TBC1D4: variants seen among roughly 807,000 people sequenced by gnomAD.
TBC1D4 encodes the protein TBC (Tre-2, BUB2, CDC16) domain-containing protein.
TBC1D4 carries 121 observed loss-of-function variants against 142.5 expected under a neutral mutation model. The observed-to-expected ratio is 0.85, with a 90% CI of 0.73 to 0.99. The LOEUF is 0.99. Ranked by LOEUF, TBC1D4 falls within the 50% of genes least tolerant of loss-of-function variation. The pLI, the probability that TBC1D4 is intolerant of heterozygous loss-of-function variation, is 0.00. For missense variants in TBC1D4, 1,475 were observed against 1,606.6 expected (o/e 0.92, Z 1.40); for synonymous variants, 630 against 628.2 (o/e 1.00, Z -0.04).
chr13:75,335,357 A>G (rs944041924), intron 8 of TBC1D4, among the ~76,000 whole-genome samples: 1 of 152,224 alleles, frequency 6.6e-6, no homozygotes, highest in African/African-American at 2.4e-5. Flanking sequence ...TAATAGCTCT[A>G]AGGCAGAATT....
Position 75,481,258 on chromosome 13 carries a change from C to T in TBC1D4, c.498+12G>A. On this transcript the variant is annotated intron_variant, in intron 1 of 20. Transcript: ENST00000377636. Reference sequence around the variant, plus strand: ...CCGAGCCCGCCCCCGCGCCTCCGAGCCCCTGTCTTGCCTGGCTGGGGTCTG... The same window carrying T: ...CCGAGCCCGCCCCCGCGCCTCCGAGTCCCTGTCTTGCCTGGCTGGGGTCTG... 1.2e-6 allele frequency: 2 copies of T among 1,612,400 alleles called. No homozygotes were observed. The highest frequency in any genetic ancestry group is 1.1e-5 in the South Asian group (1 of 90,950).
intron 1 of TBC1D4, among the ~76,000 whole-genome samples, chr13:75,410,230 T>A (rs543515454): frequency 6.6e-6 from 1 of 152,302 alleles, no homozygotes; most frequent in Admixed American, 6.5e-5. Flanking sequence ...ATTACAGCCA[T>A]CCCCCTTTTC....
intron 20 of TBC1D4, among the ~76,000 whole-genome samples, chr13:75,288,599 T>C (rs1874931941): frequency 6.6e-6 from 1 of 152,122 alleles, no homozygotes; most frequent in African/African-American, 2.4e-5. Context: ...ACCCTCCAGA[T>C]TCCAGCTCAA....
chr13:75,406,640 T>C (rs1885360838), intron 1 of TBC1D4, among the ~76,000 whole-genome samples: 1 of 152,176 alleles, frequency 6.6e-6, no homozygotes, highest in Admixed American at 6.5e-5. Context: ...CTCTATAACA[T>C]ATATAGTTCT....
At chr13:75,367,915 A>G (rs146808952) in intron 1 of TBC1D4, among the ~76,000 whole-genome samples, 2 of 152,212 alleles carry the variant, frequency 1.3e-5, no homozygotes, top group Non-Finnish European at 2.9e-5. Flanking sequence ...GCCAAGTATC[A>G]GTTCATTTGT....
chr13:75,355,264 T>C (rs562311624), intron 4 of TBC1D4, among the ~76,000 whole-genome samples: 12 of 152,330 alleles, frequency 7.9e-5, no homozygotes, highest in African/African-American at 2.6e-4. Flanking sequence ...GAGGATCACA[T>C]GTCTAAGAAA....
intron 1 of TBC1D4, among the ~76,000 whole-genome samples, chr13:75,450,043 C>T (rs949527128): frequency 4.6e-5 from 7 of 152,088 alleles, no homozygotes; most frequent in Non-Finnish European, 7.4e-5. Context: ...AAGAATAAAC[C>T]TCACAGAAGC....
At chr13:75,380,809 A>C (rs962079620) in intron 1 of TBC1D4, among the ~76,000 whole-genome samples, 1 of 152,130 alleles carries the variant, frequency 6.6e-6, no homozygotes, top group Non-Finnish European at 1.5e-5. Flanking sequence ...TTTCATCATC[A>C]CCATCCAAAT....
chr13:75,393,533 A>G (rs554235809), intron 1 of TBC1D4, among the ~76,000 whole-genome samples: 4 of 152,292 alleles, frequency 2.6e-5, no homozygotes, highest in Admixed American at 2.6e-4. Context: ...GGCGAGACCT[A>G]CAAACAGCAA....
At chr13:75,392,284 C>T (rs956303543) in intron 1 of TBC1D4, among the ~76,000 whole-genome samples, 2 of 152,112 alleles carry the variant, frequency 1.3e-5, no homozygotes, top group African/African-American at 2.4e-5. Context: ...CAGTATGTTC[C>T]AAATATTAGT....
At chr13:75,402,167 T>TG (rs1305315810) in intron 1 of TBC1D4, among the ~76,000 whole-genome samples, 8 of 152,010 alleles carry the variant, frequency 5.3e-5, no homozygotes, top group Non-Finnish European at 1.0e-4. Context: ...GACTGGAGAG[T>TG]GGGGGGGTTA....
chr13:75,468,277 A>G (rs1452362051), intron 1 of TBC1D4, among the ~76,000 whole-genome samples: 4 of 152,204 alleles, frequency 2.6e-5, no homozygotes, highest in African/African-American at 4.8e-5. Flanking sequence ...ATTTGGGAGT[A>G]AAAACTTACC....
At chr13:75,478,295 G>A (rs186258954) in intron 1 of TBC1D4, among the ~76,000 whole-genome samples, 2 of 152,180 alleles carry the variant, frequency 1.3e-5, no homozygotes, top group East Asian at 3.9e-4. Context: ...ATTACTCACA[G>A]TGCTTGTATA....
rs1280498112 is a variant in TBC1D4 at position 75,283,616 on chromosome 13, C to T, written c.*3176G>A. Among the ~76,000 whole-genome samples the T allele has an allele frequency of 2.0e-5, 3 of 152,134 alleles. No individual in the cohort carries two copies. Among genetic ancestry groups the T allele is most frequent in the Admixed American group, 6.5e-5 (1 of 15,268 alleles). On this transcript the variant is annotated 3_prime_UTR_variant, in exon 21 of 21. Coordinates refer to ENST00000377636, the MANE Select transcript of TBC1D4 (RefSeq NM_014832.5). ...AATGTCCTTAATTCTTAATTATCTG[C>T]GTCCAGTTGGAAAATTTTGTATTTT...
chr13:75,295,482 G>C (rs941301291), intron 17 of TBC1D4, among the ~76,000 whole-genome samples: 1 of 152,162 alleles, frequency 6.6e-6, no homozygotes, highest in African/African-American at 2.4e-5. Context: ...TGGCTCTCCA[G>C]ACAATCTGCA....
At chr13:75,452,008 A>G (rs1887553047) in intron 1 of TBC1D4, among the ~76,000 whole-genome samples, 1 of 152,034 alleles carries the variant, frequency 6.6e-6, no homozygotes, top group South Asian at 2.1e-4. Flanking sequence ...TGTAATTTTA[A>G]GTGAGTAAAT....
At chr13:75,388,559 G>C (rs1884307286) in intron 1 of TBC1D4, among the ~76,000 whole-genome samples, 1 of 152,214 alleles carries the variant, frequency 6.6e-6, no homozygotes, top group African/African-American at 2.4e-5. Flanking sequence ...GATGAATACA[G>C]TGACCACTAG....
intron 4 of TBC1D4, among the ~76,000 whole-genome samples, chr13:75,353,899 A>G (rs1206384529): frequency 6.6e-6 from 1 of 152,170 alleles, no homozygotes; most frequent in African/African-American, 2.4e-5. Flanking sequence ...ATCCTCTCAC[A>G]TGGCACACTC....
intron 15 of TBC1D4, among the ~76,000 whole-genome samples, chr13:75,305,471 T>G (rs1877087350): frequency 6.6e-6 from 1 of 152,202 alleles, no homozygotes; most frequent in Non-Finnish European, 1.5e-5. Flanking sequence ...AATAAAGCAT[T>G]CAGTAAAAAT....
Sources: gnomAD v4.1 joint callset for allele counts (sites outside exome capture counted in the v4.1 genomes callset) on GRCh38, gnomAD v4.1.1 for gene constraint, MANE v1.5 for transcripts, NCBI Gene and HGNC (gene_info 2026-07-23, HGNC 2026-07-21) for gene names.